Variants in SHROOM4 observed in about 807,000 individuals in gnomAD.
SHROOM4 encodes the protein shroom family member 4.
SHROOM4 carries 17 observed loss-of-function variants against 80.3 expected under a neutral mutation model. The observed-to-expected ratio is 0.21, with a 90% CI of 0.14 to 0.32. SHROOM4 has a LOEUF of 0.32. SHROOM4 is among the 10% of genes least tolerant of loss of function. The pLI is 1.00. For synonymous variants in SHROOM4, 400 were observed against 437.5 expected, an observed-to-expected ratio of 0.91 and a Z score of 1.07; for missense variants, 993 against 1,140.3, an observed-to-expected ratio of 0.87 and a Z score of 1.86.
chrX:50,799,440 T>C, intron 1 of SHROOM4, among the ~76,000 whole-genome samples: 1 of 111,516 alleles, frequency 9.0e-6, no homozygotes, highest in Admixed American at 9.5e-5. Context: ...TGCCCTTACA[T>C]AACCTAATTG....
At chrX:50,585,978 T>C (rs782183805), downstream of SHROOM4, among the ~76,000 whole-genome samples, 83 of 111,724 alleles carry the variant, frequency 7.4e-4, no homozygotes, top group African/African-American at 2.1e-3. Flanking sequence ...TGCATAATAT[T>C]ATCTAATTTA....
chrX:50,769,238 GAAGGAAAGAAGGAAAAA>G (rs1466712530), intron 1 of SHROOM4, among the ~76,000 whole-genome samples: 17 of 109,648 alleles, frequency 1.6e-4, no homozygotes, highest in African/African-American at 5.0e-4. Flanking sequence ...AGGGAGGGAG[GAAGGAAAGAAGGAAAAA>G]AAGGAAAGAA....
rs1469321256 is a variant in SHROOM4, at chrX:50,745,443, A to G, written c.118-49506T>C. ...CCTGAAGTCCTTGTCTGACAAAAAC[A>G]AAAAAACAAAAAAAAAACTGGGCCC... is the stretch of plus-strand genomic sequence containing the variant. On this transcript the variant is annotated intron_variant, in intron 1 of 8. Coordinates refer to ENST00000376020, the MANE Select transcript of SHROOM4 (RefSeq NM_020717.5). Among the ~76,000 whole-genome samples, 4 of 109,973 alleles carry G rather than the reference A, an allele frequency of 3.6e-5. No homozygotes were observed. The Admixed American group carries it at 3.9e-4, about 11-fold the overall frequency.
Position 50,791,440 on chromosome X carries a change from G to T in SHROOM4, c.117+22462C>A, listed in dbSNP as rs782749660. On this transcript the variant is annotated intron_variant, in intron 1 of 8. Coordinates refer to ENST00000376020, the MANE Select transcript of SHROOM4 (RefSeq NM_020717.5). ...AATGGCATTTTTTTTTTGAGACAGG[G>T]TCTCACTCTTTTACCCAGACTGGAG... Among the ~76,000 whole-genome samples the T allele has an allele frequency of 7.4e-5, 8 of 108,831 alleles. No homozygotes were observed. The Admixed American group carries it at 7.9e-4, about 11-fold the overall frequency. 94.5% of individuals were successfully genotyped at this position (108,831 alleles called of 115,157 possible).
chrX:50,631,609 G>A (rs1931070755), intron 4 of SHROOM4, among the ~76,000 whole-genome samples: 1 of 112,097 alleles, frequency 8.9e-6, no homozygotes, highest in South Asian at 3.7e-4. Flanking sequence ...TGTGTATGTA[G>A]AAAATGTTTT....
intron 1 of SHROOM4, among the ~76,000 whole-genome samples, chrX:50,732,235 A>G (rs1934389846): frequency 9.0e-6 from 1 of 111,573 alleles, no homozygotes; most frequent in Non-Finnish European, 1.9e-5. Flanking sequence ...TTGTGCCTAA[A>G]TGAGGGGCAA....
intron 1 of SHROOM4, among the ~76,000 whole-genome samples, chrX:50,776,087 T>C (rs1328355931): frequency 1.8e-5 from 2 of 111,089 alleles, no homozygotes; most frequent in African/African-American, 6.6e-5. Flanking sequence ...TCTTGTAGTC[T>C]TCCAATTCAA....
At chrX:50,693,134 C>T (rs987908117) in intron 2 of SHROOM4, among the ~76,000 whole-genome samples, 5 of 110,836 alleles carry the variant, frequency 4.5e-5, no homozygotes, top group East Asian at 2.8e-4. Context: ...TTCCAGGGTA[C>T]ATTAAGTTAA....
chrX:50,627,305 A>G (rs1930840690), intron 5 of SHROOM4, among the ~76,000 whole-genome samples: 1 of 111,550 alleles, frequency 9.0e-6, no homozygotes, highest in Admixed American at 9.5e-5. Flanking sequence ...ACTTCTCTGT[A>G]TCGGGCACCG....
At chrX:50,709,050 G>A (rs898514958) in intron 1 of SHROOM4, among the ~76,000 whole-genome samples, 67 of 111,041 alleles carry the variant, frequency 6.0e-4, no homozygotes, top group African/African-American at 2.2e-3. Context: ...TTCCAGAGGG[G>A]TGGGGGACGG....
At chrX:50,762,347 C>T (rs1415859414) in intron 1 of SHROOM4, among the ~76,000 whole-genome samples, 1 of 112,103 alleles carries the variant, frequency 8.9e-6, no homozygotes, top group Non-Finnish European at 1.9e-5. Flanking sequence ...TGTTAAGTAT[C>T]TCTCTATATG....
chrX:50,808,605 A>G (rs1936273200), intron 1 of SHROOM4, among the ~76,000 whole-genome samples: 1 of 110,980 alleles, frequency 9.0e-6, no homozygotes, highest in Non-Finnish European at 1.9e-5. Flanking sequence ...CAGATGGGTC[A>G]GCATCTTTTT....
intron 1 of SHROOM4, among the ~76,000 whole-genome samples, chrX:50,710,528 G>A (rs1557264313): frequency 9.0e-6 from 1 of 110,746 alleles, no homozygotes; most frequent in African/African-American, 3.3e-5. Context: ...GAGAGGGAGA[G>A]GGACGAGGGT....
chrX:50,794,725 C>G (rs981296971), intron 1 of SHROOM4, among the ~76,000 whole-genome samples: 2 of 107,197 alleles, frequency 1.9e-5, no homozygotes, highest in Non-Finnish European at 3.8e-5. Context: ...AGGTACCTAC[C>G]TACCTATTTA....
At chrX:50,632,157 C>T (rs1324215644) in intron 4 of SHROOM4, among the ~76,000 whole-genome samples, 2 of 111,653 alleles carry the variant, frequency 1.8e-5, no homozygotes, top group African/African-American at 6.5e-5. Flanking sequence ...CTCTGTGCCA[C>T]CTCCCATTGG....
intron 2 of SHROOM4, among the ~76,000 whole-genome samples, chrX:50,666,474 T>C (rs1483430570): frequency 9.0e-6 from 1 of 111,671 alleles, no homozygotes; most frequent in Non-Finnish European, 1.9e-5. Flanking sequence ...AGCCATACTC[T>C]TCATCACTTC....
rs369003999 is a variant in SHROOM4, at chrX:50,695,999, C to T, written c.118-62G>A. On this transcript the variant is annotated intron_variant, in intron 1 of 8. Coordinates refer to ENST00000376020, the MANE Select transcript of SHROOM4 (RefSeq NM_020717.5). ...AGATGACTTTCTCCCCAAAATTCTACTTGTTTCTTCCAACCCTGGAGCCAC... is the reference window on the plus strand; with the variant it reads ...AGATGACTTTCTCCCCAAAATTCTATTTGTTTCTTCCAACCCTGGAGCCAC... The T allele has an allele frequency of 9.8e-5, 115 of 1,170,606 alleles. 1 individual carries two copies. In the East Asian group the frequency reaches 1.4e-3, roughly 14 times the overall value.
chrX:50,728,366 GA>G (rs1484432661), intron 1 of SHROOM4, among the ~76,000 whole-genome samples: 1 of 110,716 alleles, frequency 9.0e-6, no homozygotes, highest in East Asian at 2.9e-4. Flanking sequence ...CTCAAAAAAA[GA>G]AAAAGAAAAA....
chrX:50,612,791 C>T (rs114620389), intron 5 of SHROOM4, among the ~76,000 whole-genome samples: 4,600 of 110,640 alleles, frequency 0.042, 215 homozygotes, highest in African/African-American at 0.14. Flanking sequence ...TAACAATTTC[C>T]CTAATGCTAA....
Sources: gnomAD v4.1 joint callset for allele counts (sites outside exome capture counted in the v4.1 genomes callset) on GRCh38, gnomAD v4.1.1 for gene constraint, MANE v1.5 for transcripts, NCBI Gene and HGNC (gene_info 2026-07-23, HGNC 2026-07-21) for gene names.